Variants in TNKS observed in about 807,000 individuals in gnomAD.
TNKS encodes the protein poly [ADP-ribose] polymerase tankyrase-1.
A neutral mutation model predicts 135.8 loss-of-function variants in TNKS; 72 were observed. The ratio of observed to expected loss-of-function variants is 0.53; its 90% CI spans 0.44 to 0.64. The LOEUF (loss-of-function observed/expected upper bound fraction) is 0.64. TNKS is among the 30% of genes least tolerant of loss of function. The pLI is 0.00. For missense variants in TNKS, 1,769 were observed against 1,674.0 expected (o/e 1.06, Z -0.99); for synonymous variants, 849 against 649.3 (o/e 1.31, Z -4.68).
At chr8:9,695,893 T>C (rs1803490424) in intron 5 of TNKS, among the ~76,000 whole-genome samples, 1 of 152,184 alleles carries the variant, frequency 6.6e-6, no homozygotes, top group African/African-American at 2.4e-5. Context: ...GATGGCGTTG[T>C]CATTAACAAG....
rs1297308950 is a variant in TNKS at position 9,706,899 on chromosome 8, T to C, written c.1358T>C (p.Leu453Ser). The C allele has an allele frequency of 1.2e-6, 2 of 1,614,012 alleles. No homozygotes were observed. The highest frequency in any genetic ancestry group is 1.3e-5 in the African/African-American group (1 of 74,932). ...AAGAACCGTGTAGAAGTCTGCTCTT[T>C]GTTACTTAGCCATGGCGCTGATCCT... The part of the protein sequence containing the change: ...ASKNRVEVCS[L>S]LLSHGADPTL... Residue 453 changes from leucine to serine, a missense_variant, in exon 8 of 27, where the codon TTG becomes TCG. By Grantham distance (145) the Leu-to-Ser change is moderately radical. This residue lies in a region of TNKS where 523 missense variants were observed against 541.0 expected (regional missense o/e 0.97). Transcript: ENST00000310430.
intron 1 of TNKS, 134 bp downstream of exon 1, chr8:9,556,746 TG>T: frequency 5.4e-6 from 5 of 933,498 alleles, no homozygotes; most frequent in Non-Finnish European, 7.7e-6. Context: ...ACCAGAAGAC[TG>T]GAGGTTCCTT....
At position 9,587,451 on chromosome 8, in the gene TNKS, G is replaced by C. The variant is rs185673661; in HGVS notation, c.898+7068G>C. On this transcript the variant is annotated intron_variant, in intron 2 of 26. Coordinates refer to ENST00000310430, the MANE Select transcript of TNKS (RefSeq NM_003747.3). ...GTCTCGCTCTGTCGCCCAGGCTGGA[G>C]TGCAGTGGCACAGTCTCGGCTCACT... Among the ~76,000 whole-genome samples the C allele has an allele frequency of 5.2e-3, 777 of 150,860 alleles. 23 individuals are homozygous for C. Among genetic ancestry groups the C allele is most frequent in the Admixed American group, 0.044 (672 of 15,104 alleles).
At chr8:9,680,661 T>C in intron 4 of TNKS, 64 bp from the exon 5 acceptor site, 2 of 1,150,858 alleles carry the variant, frequency 1.7e-6, no homozygotes, top group East Asian at 4.7e-5. Context: ...GTGAAAAAAT[T>C]ATGCATAAAT....
At chr8:9,571,460 G>GT (rs900007017) in intron 1 of TNKS, among the ~76,000 whole-genome samples, 2 of 152,006 alleles carry the variant, frequency 1.3e-5, no homozygotes, top group Non-Finnish European at 2.9e-5. Flanking sequence ...TTGATTCCAC[G>GT]TTTTTTTCTT....
chr8:9,698,519 G>A (rs926030817), intron 5 of TNKS, among the ~76,000 whole-genome samples: 1 of 151,982 alleles, frequency 6.6e-6, no homozygotes, highest in African/African-American at 2.4e-5. Flanking sequence ...AAACATTCCT[G>A]TGTGATAGGG....
intron 26 of TNKS, among the ~76,000 whole-genome samples, chr8:9,772,064 AG>A (rs1268608270): frequency 1.9e-5 from 2 of 104,818 alleles, no homozygotes; most frequent in Admixed American, 1.1e-4. Context: ...GGAGGGATGG[AG>A]GGGGAGAGAG....
chr8:9,638,641 A>G (rs1281985503), intron 3 of TNKS, among the ~76,000 whole-genome samples: 4 of 152,252 alleles, frequency 2.6e-5, no homozygotes, highest in African/African-American at 9.6e-5. Context: ...CTTTTCAGAC[A>G]AAAATGATTA....
At position 9,687,594 on chromosome 8, in the gene TNKS, C is replaced by G. The variant is rs570795930; in HGVS notation, c.1107+6794C>G. 1.8e-4 allele frequency among the ~76,000 whole-genome samples: 28 copies of G among 152,264 alleles called. No homozygotes were observed. The East Asian group carries it at 3.5e-3, about 19-fold the overall frequency. Reference sequence around the variant, plus strand: ...GTACCAATGCCAAGTGCGCTGTTTTCTCTGCTGGAGAAATGAATTTTTAGT... The same window carrying G: ...GTACCAATGCCAAGTGCGCTGTTTTGTCTGCTGGAGAAATGAATTTTTAGT... On this transcript the variant is annotated intron_variant, in intron 5 of 26. Transcript: ENST00000310430.
intron 3 of TNKS, among the ~76,000 whole-genome samples, chr8:9,632,380 A>G (rs752596445): frequency 1.1e-4 from 16 of 152,204 alleles, no homozygotes; most frequent in Non-Finnish European, 2.1e-4. Context: ...AGATTCACCA[A>G]TTATTAACGT....
chr8:9,628,400 T>A (rs1321711806), intron 3 of TNKS, among the ~76,000 whole-genome samples: 2 of 152,192 alleles, frequency 1.3e-5, no homozygotes, highest in African/African-American at 4.8e-5. Flanking sequence ...AAACTCTGTC[T>A]TGCATATCCG....
At chr8:9,602,131 C>A (rs943738581) in intron 2 of TNKS, among the ~76,000 whole-genome samples, 1 of 152,066 alleles carries the variant, frequency 6.6e-6, no homozygotes, top group African/African-American at 2.4e-5. Context: ...TTAAACATAA[C>A]ACACAGGACA....
At chr8:9,769,588 G>A (rs900100064) in intron 25 of TNKS, among the ~76,000 whole-genome samples, 6 of 148,504 alleles carry the variant, frequency 4.0e-5, no homozygotes, top group African/African-American at 1.5e-4. Flanking sequence ...TTTCCACCAG[G>A]CAAAACTTAC....
chr8:9,755,544 C>T (rs1447112862), intron 20 of TNKS, among the ~76,000 whole-genome samples: 3 of 152,172 alleles, frequency 2.0e-5, no homozygotes, highest in African/African-American at 7.2e-5. Context: ...ATTTATCTAG[C>T]CTTCCATTAT....
At chr8:9,561,820 G>A (rs1797339938) in intron 1 of TNKS, among the ~76,000 whole-genome samples, 1 of 151,990 alleles carries the variant, frequency 6.6e-6, no homozygotes, top group African/African-American at 2.4e-5. Flanking sequence ...TCCCATCAAC[G>A]ATTTTTGATG....
intron 2 of TNKS, among the ~76,000 whole-genome samples, chr8:9,593,358 T>C (rs1332902432): frequency 1.3e-5 from 2 of 152,220 alleles, no homozygotes; most frequent in East Asian, 3.8e-4. Context: ...AAAGTTGTTA[T>C]AATGGAAATG....
chr8:9,674,504 A>G (rs144201050), intron 3 of TNKS, among the ~76,000 whole-genome samples: 1 of 152,304 alleles, frequency 6.6e-6, no homozygotes, highest in African/African-American at 2.4e-5. Context: ...CTCATTAAAA[A>G]CACTGCAAAG....
At chr8:9,686,002 G>A (rs1054135589) in intron 5 of TNKS, among the ~76,000 whole-genome samples, 3 of 152,042 alleles carry the variant, frequency 2.0e-5, no homozygotes, top group Non-Finnish European at 4.4e-5. Flanking sequence ...GTCTTTATGT[G>A]GTAGGTTGTT....
At chr8:9,578,379 AC>A (rs1180344242) in intron 1 of TNKS, among the ~76,000 whole-genome samples, 2 of 152,056 alleles carry the variant, frequency 1.3e-5, no homozygotes, top group African/African-American at 4.8e-5. Context: ...AAAACCAGGA[AC>A]CCTGGTAAGA....
Sources: allele counts gnomAD v4.1 joint callset (sites outside exome capture counted in the v4.1 genomes callset), GRCh38; gene constraint gnomAD v4.1.1; regional missense constraint gnomAD v4.1.1; transcripts MANE v1.5; gene names NCBI Gene and HGNC (gene_info 2026-07-23, HGNC 2026-07-21).